The following PTPRN2 variants were observed in gnomAD, a reference collection of about 807,000 sequenced individuals.
PTPRN2 encodes protein tyrosine phosphatase receptor type N2, also known as receptor-type tyrosine-protein phosphatase N2.
A neutral mutation model predicts 118.8 loss-of-function variants in PTPRN2; 74 were observed. The ratio of observed to expected loss-of-function variants is 0.62; its 90% CI spans 0.52 to 0.76. The LOEUF (loss-of-function observed/expected upper bound fraction) is 0.76. Among genes scored for constraint, PTPRN2 ranks in the 30% least tolerant of loss-of-function variants. The probability of loss-of-function intolerance (pLI) is 0.00; values close to 1 mark genes in which losing one functional copy is unlikely to be tolerated. For synonymous variants in PTPRN2, 641 were observed against 608.0 expected (o/e 1.05, Z -0.80); for missense variants, 1,481 against 1,394.4 (o/e 1.06, Z -0.99).
intron 11 of PTPRN2, among the ~76,000 whole-genome samples, chr7:158,031,475 G>A (rs1259011502): frequency 2.6e-5 from 4 of 152,178 alleles, no homozygotes; most frequent in South Asian, 2.1e-4. Context: ...GCCAAATTCC[G>A]TCACTCTGTG....
chr7:158,258,368 A>T lies in PTPRN2; in HGVS notation c.278-53095T>A, dbSNP rs148177249. On this transcript the variant is annotated intron_variant, in intron 3 of 22. Coordinates refer to ENST00000389418, the MANE Select transcript of PTPRN2 (RefSeq NM_002847.5). ...GTGCGTCTCACACTCTGCTATCATC[A>T]GCCTCCTTCCTGCTCCAGTTCTTAA... Among the ~76,000 whole-genome samples, 812 of 152,346 alleles carry T rather than the reference A, an allele frequency of 5.3e-3. 6 individuals carry two copies. The highest frequency in any genetic ancestry group is 0.019 in the African/African-American group (780 of 41,580).
intron 11 of PTPRN2, among the ~76,000 whole-genome samples, chr7:158,054,934 C>T (rs1405822226): frequency 6.6e-6 from 1 of 152,256 alleles, no homozygotes. Flanking sequence ...TGGCCCCTGC[C>T]TGCTCCCCAT....
At chr7:158,005,760 A>G (rs891927248) in intron 11 of PTPRN2, among the ~76,000 whole-genome samples, 1 of 152,166 alleles carries the variant, frequency 6.6e-6, no homozygotes, top group Non-Finnish European at 1.5e-5. Context: ...GGAAGGGCCC[A>G]CCGTGGTTTC....
chr7:157,924,489 C>G (rs894085771), intron 11 of PTPRN2, among the ~76,000 whole-genome samples: 12 of 152,352 alleles, frequency 7.9e-5, no homozygotes, highest in African/African-American at 2.6e-4. Flanking sequence ...AGGCCCCATC[C>G]ACAGGGCCCT....
intron 11 of PTPRN2, among the ~76,000 whole-genome samples, chr7:157,910,137 C>G (rs1383933971): frequency 6.6e-6 from 1 of 152,256 alleles, no homozygotes; most frequent in African/African-American, 2.4e-5. Context: ...TGATTCTCTT[C>G]CAATACCGGC....
rs1827973429 is a variant in PTPRN2, at chr7:158,570,684, G to T, written c.112+16874C>A. Among the ~76,000 whole-genome samples, 1 of 152,240 alleles carries T rather than the reference G, an allele frequency of 6.6e-6. No homozygotes were observed. Among genetic ancestry groups the T allele is most frequent in the African/African-American group, 2.4e-5 (1 of 41,468 alleles). On this transcript the variant is annotated intron_variant, in intron 1 of 22. Transcript: ENST00000389418. This position sits in a 1 kb window ranked among gnomAD's most constrained non-coding sequence, Gnocchi z 4.5. ...GCCGTAACACGTGTATACCGGCTCA[G>T]CACGCGGCTGGGTACGGTTTGCAAC... is the stretch of plus-strand genomic sequence containing the variant.
chr7:158,301,363 A>G (rs1800877092), intron 3 of PTPRN2, among the ~76,000 whole-genome samples: 1 of 152,198 alleles, frequency 6.6e-6, no homozygotes, highest in African/African-American at 2.4e-5. Context: ...TTGCATTAAT[A>G]TGCGCTCAAT....
intron 11 of PTPRN2, among the ~76,000 whole-genome samples, chr7:158,020,469 G>A (rs759999471): frequency 5.8e-4 from 88 of 152,296 alleles, no homozygotes; most frequent in Non-Finnish European, 1.0e-3. Context: ...GGAGAGGGAG[G>A]GGCGAGGGCA....
At chr7:158,275,652 C>T (rs1309235391) in intron 3 of PTPRN2, among the ~76,000 whole-genome samples, 1 of 152,200 alleles carries the variant, frequency 6.6e-6, no homozygotes, top group Non-Finnish European at 1.5e-5. Flanking sequence ...CACGTAATCG[C>T]AAGTAATTTT....
rs199719414 is a variant in PTPRN2 at position 158,360,106 on chromosome 7, C to T, written c.164-43174G>A. ...CCCTCACCCAGGATGACGCACAGAC[C>T]CCACATCCACCCTCACCCAGGACGA... On this transcript the variant is annotated intron_variant, in intron 2 of 22. Transcript: ENST00000389418. Among the ~76,000 whole-genome samples, 2 of 113,636 alleles carry T rather than the reference C, an allele frequency of 1.8e-5. 1 individual carries two copies. Among genetic ancestry groups the T allele is most frequent in the African/African-American group, 7.1e-5 (2 of 28,266 alleles). 74.5% of individuals were successfully genotyped at this position (113,636 alleles called of 152,430 possible).
At position 157,944,790 on chromosome 7, in the gene PTPRN2, C is replaced by T. The variant is rs961761001; in HGVS notation, c.1724-46053G>A. Reference sequence around the variant, plus strand: ...CCAAGGGGCTGTTGGGACAGGCAGCCGCACCTGGCCAGCTCTGCCCTTGCT... The same window carrying T: ...CCAAGGGGCTGTTGGGACAGGCAGCTGCACCTGGCCAGCTCTGCCCTTGCT... On this transcript the variant is annotated intron_variant, in intron 11 of 22. Coordinates refer to ENST00000389418, the MANE Select transcript of PTPRN2 (RefSeq NM_002847.5). The surrounding 1 kb of genome is among the most constrained non-coding windows in gnomAD (Gnocchi z 4.3). 1.8e-4 allele frequency among the ~76,000 whole-genome samples: 28 copies of T among 152,284 alleles called. 1 individual carries two copies. Among genetic ancestry groups the T allele is most frequent in the Middle Eastern group, 3.4e-3 (1 of 294 alleles).
chr7:158,575,853 T>C (rs1828292488), intron 1 of PTPRN2, among the ~76,000 whole-genome samples: 1 of 152,084 alleles, frequency 6.6e-6, no homozygotes, highest in South Asian at 2.1e-4. Context: ...CAATAATAAT[T>C]TCAGTATTAC....
At chr7:158,496,842 G>C (rs1303641252) in intron 1 of PTPRN2, among the ~76,000 whole-genome samples, 1 of 1,774 alleles carries the variant, frequency 5.6e-4, no homozygotes, top group Non-Finnish European at 1.2e-3. Context: ...TGCACCCCTT[G>C]CTCTTCCCTG....
chr7:157,736,035 T>G (rs568985978), intron 12 of PTPRN2, among the ~76,000 whole-genome samples: 17 of 152,278 alleles, frequency 1.1e-4, no homozygotes, highest in Middle Eastern at 3.4e-3. Flanking sequence ...CCACCTTGGA[T>G]CTCATGCCCT....
rs562670513 is a variant in PTPRN2, at chr7:157,942,110, C to T, written c.1724-43373G>A. 4.8e-5 allele frequency among the ~76,000 whole-genome samples: 7 copies of T among 147,098 alleles called. No homozygotes were observed. The South Asian group carries it at 1.5e-3, about 32-fold the overall frequency. The stretch of plus-strand genomic sequence containing the variant: ...GAGTCCTTGGCCTACCCTCCACACA[C>T]GAGGGTCCTCAGCATGCCTTCCACA... On this transcript the variant is annotated intron_variant, in intron 11 of 22. Coordinates refer to ENST00000389418, the MANE Select transcript of PTPRN2 (RefSeq NM_002847.5).
intron 2 of PTPRN2, among the ~76,000 whole-genome samples, chr7:158,454,014 C>T (rs1341159418): frequency 1.2e-4 from 15 of 129,172 alleles, no homozygotes; most frequent in South Asian, 5.7e-4. Flanking sequence ...ACACAATCAC[C>T]GATGTCAGGA....
At chr7:157,889,145 A>G (rs1796651436) in intron 12 of PTPRN2, among the ~76,000 whole-genome samples, 1 of 152,146 alleles carries the variant, frequency 6.6e-6, no homozygotes, top group African/African-American at 2.4e-5. Context: ...GCCCCAACTG[A>G]CGGAATGACC....
At chr7:158,282,618 C>T (rs1262120435) in intron 3 of PTPRN2, among the ~76,000 whole-genome samples, 2 of 152,234 alleles carry the variant, frequency 1.3e-5, no homozygotes, top group African/African-American at 4.8e-5. Context: ...GGACAGACGG[C>T]TGATCCCTCC....
At chr7:158,182,765 C>T (rs1278865903) in intron 5 of PTPRN2, among the ~76,000 whole-genome samples, 2 of 152,156 alleles carry the variant, frequency 1.3e-5, no homozygotes, top group East Asian at 1.9e-4. Context: ...GTATATTCTG[C>T]AGTTCTTGAT....
Sources: allele counts gnomAD v4.1 joint callset (sites outside exome capture counted in the v4.1 genomes callset), GRCh38; gene constraint gnomAD v4.1.1; non-coding constraint Gnocchi (gnomAD v3.1); transcripts MANE v1.5; gene names NCBI Gene and HGNC (gene_info 2026-07-23, HGNC 2026-07-21).